Variants in ZNF382 observed in about 807,000 individuals in gnomAD.
ZNF382 encodes zinc finger protein 382.
A neutral mutation model predicts 38.8 loss-of-function variants in ZNF382; 20 were observed. That is an observed-to-expected ratio of 0.51 (90% CI 0.36 to 0.75). The LOEUF (loss-of-function observed/expected upper bound fraction) is 0.75, where lower values mean the gene tolerates loss of function less well. Ranked by LOEUF, ZNF382 falls within the 30% of genes least tolerant of loss-of-function variation. The pLI, the probability that ZNF382 is intolerant of heterozygous loss-of-function variation, is 0.00. For synonymous variants in ZNF382, 202 were observed against 223.1 expected, an observed-to-expected ratio of 0.91 and a Z score of 0.84; for missense variants, 546 against 654.1, an observed-to-expected ratio of 0.83 and a Z score of 1.80.
chr19:36,606,175 G>A (rs2037022772), intron 1 of ZNF382, among the ~76,000 whole-genome samples: 1 of 152,066 alleles, frequency 6.6e-6, no homozygotes. Flanking sequence ...TAGCAATTTA[G>A]CAAATAAAAT....
At chr19:36,614,914 C>CCT (rs1555793084) in intron 4 of ZNF382, among the ~76,000 whole-genome samples, 12 of 90,788 alleles carry the variant, frequency 1.3e-4, no homozygotes, top group Non-Finnish European at 9.0e-5. Context: ...CTTTCCTTTC[C>CCT]TTCCCTTTCC....
rs1042275183 is a variant in ZNF382 at position 36,631,548 on chromosome 19, C to G, written c.*3998C>G. ...GACTACAGGTGCACACCACCAAACC[C>G]GGCTAATTTTTGTATTTTTAGTAGA... On this transcript the variant is annotated 3_prime_UTR_variant, in exon 5 of 5. Coordinates refer to ENST00000292928, the MANE Select transcript of ZNF382 (RefSeq NM_032825.5). The G allele has an allele frequency of 6.6e-6, 1 of 151,938 alleles. No homozygotes were observed. The highest frequency in any genetic ancestry group is 1.5e-5 in the Non-Finnish European group (1 of 68,094). 9.4% of individuals were successfully genotyped at this position (151,938 alleles called of 1,614,324 possible). A position where few individuals can be genotyped will look rare whatever the true frequency, so the allele number is the denominator to read the frequency against.
At chr19:36,618,041 C>A (rs952404120) in intron 4 of ZNF382, among the ~76,000 whole-genome samples, 1 of 152,052 alleles carries the variant, frequency 6.6e-6, no homozygotes, top group Non-Finnish European at 1.5e-5. Flanking sequence ...TTGTTTTCAC[C>A]TAGCCCAGGA....
chr19:36,627,357 C>CAT lies in ZNF382; in HGVS notation c.1461_1462insTA (p.Gly488Ter). The CAT allele has an allele frequency of 6.2e-7, 1 of 1,614,168 alleles. No homozygotes were observed. Among genetic ancestry groups the CAT allele is most frequent in the Non-Finnish European group, 8.5e-7 (1 of 1,180,022 alleles). On this transcript the variant is annotated frameshift_variant, in exon 5 of 5. Transcript: ENST00000292928. LOFTEE classifies it high-confidence loss of function. ...CTCACTGTTCATCACAGAATACATA[C>CAT]AGGAGAAAAATCCAATGGGTGTCCT...
chr19:36,605,618 G>A (rs548166487), intron 1 of ZNF382: 10 of 152,362 alleles, frequency 6.6e-5, no homozygotes, highest in African/African-American at 2.2e-4. Flanking sequence ...CTGATCCCGC[G>A]GAAGCGCCAT....
At chr19:36,608,166 A>C (rs551074498) in intron 2 of ZNF382, 1 of 152,730 alleles carries the variant, frequency 6.5e-6, no homozygotes, top group East Asian at 1.9e-4. Flanking sequence ...GGGAAATAGA[A>C]GTGGTAGATC....
chr19:36,607,669 G>A (rs1555792657), intron 2 of ZNF382, 47 bp downstream of exon 2: 10 of 1,479,296 alleles, frequency 6.8e-6, no homozygotes, highest in Non-Finnish European at 8.9e-6. Flanking sequence ...TTTTCATGGT[G>A]TATGAACATG....
chr19:36,619,103 A>G (rs2037148629), intron 4 of ZNF382, among the ~76,000 whole-genome samples: 1 of 152,230 alleles, frequency 6.6e-6, no homozygotes, highest in Admixed American at 6.5e-5. Flanking sequence ...TCTTAGACAT[A>G]TTTAAAATCT....
chr19:36,607,595 A>C lies in ZNF382; in HGVS notation c.-41A>C. 6.5e-7 allele frequency: 1 copy of C among 1,532,370 alleles called. No individual in the cohort carries two copies. The highest frequency in any genetic ancestry group is 1.2e-5 in the South Asian group (1 of 83,282). The allele number at this position is 1,532,370 out of a possible 1,614,324, so 94.9% of individuals were successfully genotyped here. A position where few individuals can be genotyped will look rare whatever the true frequency, so the allele number is the denominator to read the frequency against. ...AAGAGGAGCTCAAAAGAGAAAGTTC[A>C]TCTAGAAATCTCAAAGCCATGTCTC... On this transcript the variant is annotated 5_prime_UTR_variant, in exon 2 of 5. Coordinates refer to ENST00000292928, the MANE Select transcript of ZNF382 (RefSeq NM_032825.5).
intron 1 of ZNF382, among the ~76,000 whole-genome samples, chr19:36,607,110 A>G (rs1188285083): frequency 6.6e-6 from 1 of 151,770 alleles, no homozygotes; most frequent in Non-Finnish European, 1.5e-5. Flanking sequence ...ATTCTCAACT[A>G]CAACATAGAC....
chr19:36,626,403 A>T lies in ZNF382; in HGVS notation c.506A>T (p.Lys169Ile). ...EKFGDSTGWE[K>I]SLLNTKHEKI... ...TTTGGTGACAGTACTGGATGGGAGA[A>T]ATCACTCCTCAATACCAAGCATGAG... The change falls in exon 5 of 5, where the codon AAA becomes ATA. Residue 169 changes from lysine (K) to isoleucine (I), a missense_variant. Coordinates refer to ENST00000292928, the MANE Select transcript of ZNF382 (RefSeq NM_032825.5). The T allele has an allele frequency of 6.3e-7, 1 of 1,598,838 alleles. No individual in the cohort carries two copies. The highest frequency in any genetic ancestry group is 8.5e-7 in the Non-Finnish European group (1 of 1,175,372).
In ZNF382 at chr19:36,610,019, G is replaced by A. The variant is rs545210857; in HGVS notation, c.105G>A (p.Val35=). ...CTCAGAAGGCGCTTTACAGGGATGTGATGTTGGAAAACTATTGCCACTTCG... is the reference window on the plus strand; with the variant it reads ...CTCAGAAGGCGCTTTACAGGGATGTAATGTTGGAAAACTATTGCCACTTCG... ...DPAQKALYRD[V]MLENYCHFVS... Residue 35 remains valine (V), a synonymous_variant, in exon 3 of 5, where the codon GTG becomes GTA. Coordinates refer to ENST00000292928, the MANE Select transcript of ZNF382 (RefSeq NM_032825.5). The A allele has an allele frequency of 6.2e-7, 1 of 1,613,768 alleles. No homozygotes were observed. The highest frequency in any genetic ancestry group is 2.2e-5 in the East Asian group (1 of 44,874).
rs750747548 is a variant in ZNF382, at chr19:36,627,099, C to T, written c.1202C>T (p.Thr401Ile). 2.5e-6 allele frequency: 4 copies of T among 1,614,128 alleles called. No homozygotes were observed. The highest frequency in any genetic ancestry group is 1.1e-5 in the South Asian group (1 of 91,070). The stretch of plus-strand genomic sequence containing the variant: ...TCATACCTCATTGATCACCAGAGAA[C>T]TCACACAGGAGAGAAACCGTATCAG... Reference protein sequence around the residue: ...KKSYLIDHQRTHTGEKPYQCN... With the variant: ...KKSYLIDHQRIHTGEKPYQCN... Residue 401 changes from threonine to isoleucine, a missense_variant, in exon 5 of 5, where the codon ACT becomes ATT. Coordinates refer to ENST00000292928, the MANE Select transcript of ZNF382 (RefSeq NM_032825.5).
At position 36,627,751 on chromosome 19, in the gene ZNF382, G is replaced by A; in HGVS notation, c.*201G>A. ...ATTAGATGACAAAAATCATTAAGAA[G>A]TCCAAACTTTTTTTTTATTACTAGC... is the stretch of plus-strand genomic sequence containing the variant. On this transcript the variant is annotated 3_prime_UTR_variant, in exon 5 of 5. Transcript: ENST00000292928. 2.1e-6 allele frequency: 1 copy of A among 472,784 alleles called. No individual in the cohort carries two copies. Among genetic ancestry groups the A allele is most frequent in the Non-Finnish European group, 3.7e-6 (1 of 270,270 alleles). The allele number at this position is 472,784 out of a possible 1,614,324, so 29.3% of individuals were successfully genotyped here.
At chr19:36,608,235 A>G (rs563110999) in intron 2 of ZNF382, 2 of 152,304 alleles carry the variant, frequency 1.3e-5, no homozygotes, top group Non-Finnish European at 2.9e-5. Flanking sequence ...TAGCAATTTG[A>G]TTGCAGGCTT....
chr19:36,623,079 A>G (rs2037182137), intron 4 of ZNF382, among the ~76,000 whole-genome samples: 1 of 152,148 alleles, frequency 6.6e-6, no homozygotes, highest in African/African-American at 2.4e-5. Flanking sequence ...TCATTCCCCA[A>G]AATAAGGTCC....
chr19:36,620,947 T>A (rs981585502), intron 4 of ZNF382, among the ~76,000 whole-genome samples: 3 of 151,932 alleles, frequency 2.0e-5, no homozygotes, highest in Non-Finnish European at 2.9e-5. Context: ...TCAGTAGAGG[T>A]GGGGTTTCAC....
intron 4 of ZNF382, 115 bp from the exon 5 acceptor site, chr19:36,626,015 C>A: frequency 1.6e-6 from 1 of 627,210 alleles, no homozygotes; most frequent in Non-Finnish European, 2.5e-6. Context: ...GTAATTTATT[C>A]TGGCCTTTTT....
At chr19:36,613,001 C>G (rs1397335470) in intron 4 of ZNF382, among the ~76,000 whole-genome samples, 1 of 152,100 alleles carries the variant, frequency 6.6e-6, no homozygotes, top group Non-Finnish European at 1.5e-5. Context: ...TCATTTTGGC[C>G]AGGCTGGTCT....
Sources: gnomAD v4.1 joint callset for allele counts (sites outside exome capture counted in the v4.1 genomes callset) on GRCh38, gnomAD v4.1.1 for gene constraint, MANE v1.5 for transcripts, NCBI Gene and HGNC (gene_info 2026-07-23, HGNC 2026-07-21) for gene names.